The following CNTN6 variants were observed in gnomAD, a reference collection of about 807,000 sequenced individuals.
CNTN6 encodes contactin 6.
A neutral mutation model predicts 122.8 loss-of-function variants in CNTN6; 137 were observed. The ratio of observed to expected loss-of-function variants is 1.12; its 90% CI spans 0.97 to 1.29. The LOEUF (loss-of-function observed/expected upper bound fraction) is 1.29, where lower values mean the gene tolerates loss of function less well. CNTN6 is among the 50% of genes most tolerant of loss of function. The probability of loss-of-function intolerance (pLI) is 0.00; values close to 1 mark genes in which losing one functional copy is unlikely to be tolerated. For missense variants in CNTN6, 1,634 were observed against 1,223.4 expected, an observed-to-expected ratio of 1.34 and a Z score of -5.01; for synonymous variants, 570 against 426.0, an observed-to-expected ratio of 1.34 and a Z score of -4.16.
At chr3:1,226,067 C>T (rs1267943100) in intron 3 of CNTN6, among the ~76,000 whole-genome samples, 2 of 152,048 alleles carry the variant, frequency 1.3e-5, no homozygotes, top group Non-Finnish European at 2.9e-5. Context: ...TTAGTAGAGG[C>T]GGGGTTTTGC....
intron 7 of CNTN6, among the ~76,000 whole-genome samples, chr3:1,299,511 A>G (rs1696842742): frequency 6.6e-6 from 1 of 152,206 alleles, no homozygotes; most frequent in Non-Finnish European, 1.5e-5. Context: ...AAATAATTTC[A>G]TTTGCTAAGC....
chr3:1,206,508 G>GTTC (rs1262978104), intron 2 of CNTN6, among the ~76,000 whole-genome samples: 1 of 152,090 alleles, frequency 6.6e-6, no homozygotes, highest in Non-Finnish European at 1.5e-5. Context: ...GTATCATCAT[G>GTTC]TTCTTATGCA....
chr3:1,268,434 C>T (rs977697915), intron 4 of CNTN6, among the ~76,000 whole-genome samples: 9 of 151,962 alleles, frequency 5.9e-5, no homozygotes, highest in South Asian at 2.1e-4. Flanking sequence ...GGTGAAACCC[C>T]GTCTCTACTA....
At chr3:1,388,533 C>T (rs1323708865) in intron 20 of CNTN6, among the ~76,000 whole-genome samples, 4 of 151,300 alleles carry the variant, frequency 2.6e-5, no homozygotes, top group Non-Finnish European at 2.9e-5. Flanking sequence ...AACGCAGTTC[C>T]TCACCAGCAA....
At chr3:1,297,347 C>A (rs543337987) in intron 6 of CNTN6, among the ~76,000 whole-genome samples, 1 of 152,108 alleles carries the variant, frequency 6.6e-6, no homozygotes, top group Admixed American at 6.6e-5. Context: ...TGTTACAACT[C>A]CTCTGGTAGG....
intron 11 of CNTN6, among the ~76,000 whole-genome samples, chr3:1,342,349 C>T (rs155401): frequency 8.7e-4 from 133 of 152,192 alleles, no homozygotes; most frequent in African/African-American, 3.0e-3. Context: ...AGGCTGGTCT[C>T]GAACTCCTGA....
intron 12 of CNTN6, among the ~76,000 whole-genome samples, chr3:1,363,095 TA>T (rs141588965): frequency 0.074 from 11,268 of 151,792 alleles, 656 homozygotes; most frequent in African/African-American, 0.15. Flanking sequence ...CCCCATCACT[TA>T]AAAAAATAAA....
intron 1 of CNTN6, among the ~76,000 whole-genome samples, chr3:1,099,064 A>G (rs9858530): frequency 0.21 from 31,943 of 151,708 alleles, 7,952 homozygotes; most frequent in African/African-American, 0.6. Context: ...ATAAAATATT[A>G]TTTTAAAATA....
intron 22 of CNTN6, 143 bp downstream of exon 22, chr3:1,402,629 A>T: frequency 3.2e-6 from 2 of 630,710 alleles, no homozygotes; most frequent in South Asian, 3.0e-5. Flanking sequence ...GTGATGAGCC[A>T]TTTTTTTAAG....
At chr3:1,113,995 T>C (rs2091601213) in intron 1 of CNTN6, among the ~76,000 whole-genome samples, 1 of 152,194 alleles carries the variant, frequency 6.6e-6, no homozygotes, top group African/African-American at 2.4e-5. Context: ...GAGATTTTCG[T>C]GCACAGAGGC....
At chr3:1,138,372 G>A (rs375631302) in intron 1 of CNTN6, among the ~76,000 whole-genome samples, 1 of 150,910 alleles carries the variant, frequency 6.6e-6, no homozygotes, top group South Asian at 2.1e-4. Flanking sequence ...TTCCAAACTT[G>A]AATTGAAGGA....
chr3:1,360,762 A>G (rs1707342357), intron 12 of CNTN6, among the ~76,000 whole-genome samples: 1 of 152,026 alleles, frequency 6.6e-6, no homozygotes, highest in South Asian at 2.1e-4. Flanking sequence ...CCCAAATTCA[A>G]CAGCCTATTT....
At chr3:1,105,568 A>C (rs939092767) in intron 1 of CNTN6, among the ~76,000 whole-genome samples, 4 of 152,190 alleles carry the variant, frequency 2.6e-5, no homozygotes, top group African/African-American at 9.6e-5. Context: ...GGCTTTCACA[A>C]ACTCAGAATG....
intron 2 of CNTN6, among the ~76,000 whole-genome samples, chr3:1,160,512 T>G (rs538261675): frequency 1.5e-3 from 223 of 151,658 alleles, no homozygotes; most frequent in Middle Eastern, 6.8e-3. Flanking sequence ...ATTATTCCAT[T>G]GTATGAATCT....
In CNTN6 at chr3:1,372,968, G is replaced by T; in HGVS notation, c.1786+13G>T. On this transcript the variant is annotated intron_variant, in intron 14 of 22. Coordinates refer to ENST00000446702, the MANE Select transcript of CNTN6 (RefSeq NM_001289080.2). ...ATCATTGTTAGAGGTAAGCATAAATGGTGAAAAAGTGATCACATTGTTTCT... is the reference window on the plus strand; with the variant it reads ...ATCATTGTTAGAGGTAAGCATAAATTGTGAAAAAGTGATCACATTGTTTCT... 7.0e-7 allele frequency: 1 copy of T among 1,423,184 alleles called. No homozygotes were observed. The allele number at this position is 1,423,184 out of a possible 1,614,324, so 88.2% of individuals were successfully genotyped here.
intron 2 of CNTN6, 124 bp downstream of exon 2, chr3:1,148,187 T>C: frequency 2.8e-6 from 2 of 709,548 alleles, no homozygotes; most frequent in Non-Finnish European, 4.8e-6. Flanking sequence ...AGTGATAATG[T>C]TTTGAAGGTA....
intron 12 of CNTN6, among the ~76,000 whole-genome samples, chr3:1,363,084 TC>T (rs1166269947): frequency 1.3e-5 from 2 of 149,684 alleles, no homozygotes; most frequent in African/African-American, 5.0e-5. Context: ...CCTGAGAGAA[TC>T]CCCATCACTT....
intron 2 of CNTN6, among the ~76,000 whole-genome samples, chr3:1,166,395 A>G (rs1475432901): frequency 6.6e-6 from 1 of 152,202 alleles, no homozygotes; most frequent in Non-Finnish European, 1.5e-5. Flanking sequence ...ATTTTGCCAA[A>G]CACAAGGCAA....
chr3:1,107,587 C>G, intron 1 of CNTN6, among the ~76,000 whole-genome samples: 1 of 152,020 alleles, frequency 6.6e-6, no homozygotes, highest in East Asian at 1.9e-4. Context: ...TAAAATGGCT[C>G]TGAATTTTAA....
Sources: allele counts gnomAD v4.1 joint callset (sites outside exome capture counted in the v4.1 genomes callset), GRCh38; gene constraint gnomAD v4.1.1; transcripts MANE v1.5; gene names NCBI Gene and HGNC (gene_info 2026-07-23, HGNC 2026-07-21).